SLC22A3: variants seen among roughly 807,000 people sequenced by gnomAD.
SLC22A3 encodes solute carrier family 22 member 3.
A neutral mutation model predicts 59.1 loss-of-function variants in SLC22A3; 51 were observed. That is an observed-to-expected ratio of 0.86 (90% confidence interval 0.69 to 1.09). The LOEUF is 1.09. SLC22A3 is among the 50% of genes least tolerant of loss of function. The pLI, the probability that SLC22A3 is intolerant of heterozygous loss-of-function variation, is 0.00. For synonymous variants in SLC22A3, 325 were observed against 292.0 expected (o/e 1.11, Z -1.15); for missense variants, 711 against 726.3 (o/e 0.98, Z 0.24).
intron 1 of SLC22A3, among the ~76,000 whole-genome samples, chr6:160,354,176 A>G (rs6902227): frequency 0.031 from 4,742 of 152,252 alleles, 242 homozygotes; most frequent in African/African-American, 0.11. Flanking sequence ...TGGCATTGAC[A>G]TCTTAGTAGA....
intron 4 of SLC22A3, among the ~76,000 whole-genome samples, chr6:160,409,695 T>A (rs1212720576): frequency 6.6e-6 from 1 of 152,188 alleles, no homozygotes; most frequent in Non-Finnish European, 1.5e-5. Context: ...TTAGAGAATT[T>A]TAGGATTTAA....
intron 2 of SLC22A3, among the ~76,000 whole-genome samples, chr6:160,401,854 G>T (rs939239976): frequency 6.6e-6 from 1 of 151,632 alleles, no homozygotes; most frequent in South Asian, 2.1e-4. Flanking sequence ...ACTAAAAAAA[G>T]ATTTTTTTTA....
chr6:160,436,911 C>T (rs765424697), intron 6 of SLC22A3, 34 bp downstream of exon 6: 227 of 1,607,784 alleles, frequency 1.4e-4, no homozygotes, highest in South Asian at 2.9e-4. Flanking sequence ...TAAAAGCTTG[C>T]GTTAAATTTA....
At chr6:160,434,990 T>C (rs1421302894) in intron 5 of SLC22A3, among the ~76,000 whole-genome samples, 1 of 152,242 alleles carries the variant, frequency 6.6e-6, no homozygotes, top group African/African-American at 2.4e-5. Flanking sequence ...ACAGGTGGTA[T>C]GGTTGAAGCT....
intron 1 of SLC22A3, among the ~76,000 whole-genome samples, chr6:160,378,644 C>T (rs897158148): frequency 1.3e-5 from 2 of 152,160 alleles, no homozygotes; most frequent in African/African-American, 2.4e-5. Flanking sequence ...CAGATACACC[C>T]ATTGTTAAAT....
intron 5 of SLC22A3, among the ~76,000 whole-genome samples, chr6:160,424,239 T>C: frequency 6.6e-6 from 1 of 152,228 alleles, no homozygotes; most frequent in East Asian, 1.9e-4. Flanking sequence ...GCCTTGTCTG[T>C]TGAATGAATT....
chr6:160,411,520 T>C (rs534429357), intron 5 of SLC22A3, among the ~76,000 whole-genome samples: 1 of 152,244 alleles, frequency 6.6e-6, no homozygotes, highest in Admixed American at 6.5e-5. Flanking sequence ...GGAGGATTGC[T>C]TGAGCCTAGA....
At chr6:160,448,175 A>C (rs1341031970) in intron 10 of SLC22A3, among the ~76,000 whole-genome samples, 4 of 152,226 alleles carry the variant, frequency 2.6e-5, no homozygotes, top group Non-Finnish European at 5.9e-5. Context: ...CTACAGAGTG[A>C]GGATGCGTCA....
At chr6:160,390,128 A>C (rs2114814957) in intron 1 of SLC22A3, among the ~76,000 whole-genome samples, 1 of 152,328 alleles carries the variant, frequency 6.6e-6, no homozygotes, top group Non-Finnish European at 1.5e-5. Flanking sequence ...GGGAGGCATG[A>C]ATTTAAAATA....
chr6:160,428,309 C>G (rs767929193), intron 5 of SLC22A3, among the ~76,000 whole-genome samples: 3 of 152,190 alleles, frequency 2.0e-5, no homozygotes, highest in Non-Finnish European at 4.4e-5. Context: ...GGCACTCTTT[C>G]AGGCCAACTC....
At position 160,441,598 on chromosome 6, in the gene SLC22A3, G is replaced by T. The variant is rs562186318; in HGVS notation, c.1289-1163G>T. 6.0e-5 allele frequency among the ~76,000 whole-genome samples: 8 copies of T among 133,970 alleles called. No homozygotes were observed. In the South Asian group the frequency reaches 1.7e-3, roughly 29 times the overall value. The allele number at this position is 133,970 out of a possible 152,430, so 87.9% of individuals were successfully genotyped here. ...CTCCTGGGCAATTGTTTTATTTAAT[G>T]AATTTTAGCTTTTTTTTTTTTTTTT... On this transcript the variant is annotated intron_variant, in intron 7 of 10. Transcript: ENST00000275300.
rs1787426199 is a variant in SLC22A3, at chr6:160,415,124, C to T, written c.975+4278C>T. On this transcript the variant is annotated intron_variant, in intron 5 of 10. Coordinates refer to ENST00000275300, the MANE Select transcript of SLC22A3 (RefSeq NM_021977.4). This position sits in a 1 kb window ranked among gnomAD's most constrained non-coding sequence, Gnocchi z 4.1. Reference sequence around the variant, plus strand: ...CCCATCTTTAATCTTTTTAATTGTACAGCGTAAGCAGAAAAGCAAAGTGTT... The same window carrying T: ...CCCATCTTTAATCTTTTTAATTGTATAGCGTAAGCAGAAAAGCAAAGTGTT... Among the ~76,000 whole-genome samples the T allele has an allele frequency of 6.6e-6, 1 of 152,160 alleles. No individual in the cohort carries two copies. The highest frequency in any genetic ancestry group is 2.1e-4 in the South Asian group (1 of 4,816).
At chr6:160,420,503 A>T (rs1235786669) in intron 5 of SLC22A3, among the ~76,000 whole-genome samples, 1 of 152,236 alleles carries the variant, frequency 6.6e-6, no homozygotes, top group Admixed American at 6.5e-5. Context: ...GGTCCCATAA[A>T]CTTCCTGCAT....
intron 1 of SLC22A3, among the ~76,000 whole-genome samples, chr6:160,365,191 T>G (rs1284141820): frequency 6.6e-6 from 1 of 152,220 alleles, no homozygotes; most frequent in Admixed American, 6.5e-5. Flanking sequence ...CAGGTGTTTT[T>G]AAATGTTAAA....
intron 5 of SLC22A3, among the ~76,000 whole-genome samples, chr6:160,419,347 T>G (rs187907491): frequency 1.4e-3 from 211 of 152,332 alleles, no homozygotes; most frequent in Non-Finnish European, 2.5e-3. Flanking sequence ...ACATAATTTT[T>G]CTTCTTCCAA....
At chr6:160,393,886 A>G (rs573033953) in intron 1 of SLC22A3, among the ~76,000 whole-genome samples, 39 of 152,360 alleles carry the variant, frequency 2.6e-4, no homozygotes, top group South Asian at 4.1e-4. Context: ...GCTAAGAAAA[A>G]CCTTCACTTG....
In SLC22A3 at chr6:160,444,325, C is replaced by T. The variant is rs145895160; in HGVS notation, c.1510+583C>T. Reference sequence around the variant, plus strand: ...CTATGGTCACGCCATTGCACTCCAGCCTGGGCAACAGGGTAAGAACCTATC... The same window carrying T: ...CTATGGTCACGCCATTGCACTCCAGTCTGGGCAACAGGGTAAGAACCTATC... On this transcript the variant is annotated intron_variant, in intron 9 of 10. Transcript: ENST00000275300. Among the ~76,000 whole-genome samples, 11 of 152,146 alleles carry T rather than the reference C, an allele frequency of 7.2e-5. No individual in the cohort carries two copies. In the East Asian group the frequency reaches 2.1e-3, roughly 29 times the overall value.
chr6:160,395,169 A>G (rs956734769), intron 1 of SLC22A3, among the ~76,000 whole-genome samples: 4 of 152,254 alleles, frequency 2.6e-5, no homozygotes, highest in Non-Finnish European at 5.9e-5. Context: ...TAAATATCAA[A>G]TATAAGAGAA....
chr6:160,428,833 T>C (rs1788054388), intron 5 of SLC22A3, among the ~76,000 whole-genome samples: 1 of 152,244 alleles, frequency 6.6e-6, no homozygotes, highest in African/African-American at 2.4e-5. Flanking sequence ...TATCTACTCT[T>C]GTTTTAAAGG....
Sources: gnomAD v4.1 joint callset for allele counts (sites outside exome capture counted in the v4.1 genomes callset) on GRCh38, gnomAD v4.1.1 for gene constraint, Gnocchi (gnomAD v3.1) non-coding constraint, MANE v1.5 for transcripts, NCBI Gene and HGNC (gene_info 2026-07-23, HGNC 2026-07-21) for gene names.